CHEK1: variants seen among roughly 807,000 people sequenced by gnomAD.
CHEK1 encodes checkpoint kinase 1.
In CHEK1, 32 loss-of-function variants were observed where a neutral mutation model predicts 60.2. The observed-to-expected ratio is 0.53, with a 90% CI of 0.40 to 0.71. The LOEUF is 0.71. Among genes scored for constraint, CHEK1 ranks in the 30% least tolerant of loss-of-function variants. The probability of loss-of-function intolerance (pLI) is 0.00; values close to 1 mark genes in which losing one functional copy is unlikely to be tolerated. For synonymous variants in CHEK1, 179 were observed against 187.2 expected, an observed-to-expected ratio of 0.96 and a Z score of 0.36; for missense variants, 399 against 564.6, an observed-to-expected ratio of 0.71 and a Z score of 2.97.
At chr11:125,650,894 T>C (rs76055366) in intron 11 of CHEK1, among the ~76,000 whole-genome samples, 11,514 of 152,188 alleles carry the variant, frequency 0.076, 508 homozygotes, top group African/African-American at 0.12. Context: ...GTATTTGTGT[T>C]GGGGCACACC....
intron 8 of CHEK1, among the ~76,000 whole-genome samples, chr11:125,639,718 C>T (rs963190947): frequency 6.6e-6 from 1 of 152,178 alleles, no homozygotes; most frequent in African/African-American, 2.4e-5. Context: ...CAGTTGTTCA[C>T]TTTGCTTCCT....
At chr11:125,643,671 A>AT in intron 8 of CHEK1, 121 bp from the exon 9 acceptor site, 1 of 687,052 alleles carries the variant, frequency 1.5e-6, no homozygotes, top group Non-Finnish European at 2.3e-6. Context: ...TCTTACAAAA[A>AT]TTTTGTGTTA....
chr11:125,639,051 C>T (rs1941181795), intron 8 of CHEK1, among the ~76,000 whole-genome samples: 1 of 152,130 alleles, frequency 6.6e-6, no homozygotes, highest in Non-Finnish European at 1.5e-5. Context: ...TTGATTTCAT[C>T]TTTACCTATC....
At chr11:125,654,607 G>T (rs1025548978) in intron 12 of CHEK1, among the ~76,000 whole-genome samples, 20 of 152,094 alleles carry the variant, frequency 1.3e-4, no homozygotes, top group African/African-American at 4.8e-4. Flanking sequence ...TTGATTCTAA[G>T]ATGATAGTAT....
At chr11:125,626,061 T>G (rs1395000630) in intron 1 of CHEK1, 49 bp downstream of exon 1, 1 of 684,536 alleles carries the variant, frequency 1.5e-6, no homozygotes, top group East Asian at 2.7e-5. Context: ...AAGAAGGAGT[T>G]CGGGGTCTAG....
chr11:125,666,366 A>G (rs1347939933), intron 13 of CHEK1, among the ~76,000 whole-genome samples: 1 of 152,006 alleles, frequency 6.6e-6, no homozygotes, highest in South Asian at 2.1e-4. Context: ...TGGGCAATAT[A>G]CTTGATATGA....
intron 10 of CHEK1, 105 bp downstream of exon 10, chr11:125,644,373 A>G (rs1252446516): frequency 6.2e-6 from 9 of 1,458,688 alleles, no homozygotes; most frequent in East Asian, 2.3e-5. Flanking sequence ...TTTAAATCAC[A>G]TGTATTCTTT....
chr11:125,655,110 A>G (rs1263135802), intron 12 of CHEK1, 115 bp from the exon 13 acceptor site: 1 of 701,226 alleles, frequency 1.4e-6, no homozygotes, highest in East Asian at 2.8e-5. Context: ...AATGGTAGCT[A>G]GACATACCTA....
Position 125,644,511 on chromosome 11 carries a change from G to A in CHEK1, c.1102-1G>A. The stretch of plus-strand genomic sequence containing the variant: ...TCATTTGTCTTCTGTTTGACATGTA[G>A]AACCCCTGGCAGCGGTTGGTCAAAA... On this transcript the variant is annotated splice_acceptor_variant, in intron 10 of 12. Coordinates refer to ENST00000438015, the MANE Select transcript of CHEK1 (RefSeq NM_001114122.3). LOFTEE classifies it high-confidence loss of function. The A allele has an allele frequency of 6.2e-7, 1 of 1,613,520 alleles. No individual in the cohort carries two copies.
At chr11:125,648,348 C>T (rs925927422) in intron 11 of CHEK1, among the ~76,000 whole-genome samples, 12 of 151,846 alleles carry the variant, frequency 7.9e-5, no homozygotes, top group Non-Finnish European at 1.8e-4. Context: ...TTTGGGAGGC[C>T]GTTGCGGGTG....
At chr11:125,671,256 ATTAT>A (rs1942196608) in intron 13 of CHEK1, among the ~76,000 whole-genome samples, 1 of 151,994 alleles carries the variant, frequency 6.6e-6, no homozygotes, top group Non-Finnish European at 1.5e-5. Context: ...CTAGTAGACT[ATTAT>A]TTATCTTCTC....
intron 7 of CHEK1, among the ~76,000 whole-genome samples, chr11:125,636,887 A>G (rs905148722): frequency 6.6e-6 from 1 of 152,082 alleles, no homozygotes; most frequent in Non-Finnish European, 1.5e-5. Flanking sequence ...TACCTCTACT[A>G]TTTAAAAGTT....
chr11:125,635,875 A>G lies in CHEK1; in HGVS notation c.718+342A>G, dbSNP rs1026926245. On this transcript the variant is annotated intron_variant, in intron 7 of 12. Coordinates refer to ENST00000438015, the MANE Select transcript of CHEK1 (RefSeq NM_001114122.3). ...AGGGATGCACTCTAACAAATGTTTC[A>G]TTAGGTGGTTTCATCATTGTGTGAA... The G allele has an allele frequency of 1.7e-4, 28 of 164,876 alleles. No homozygotes were observed. The Admixed American group carries it at 1.8e-3, about 10-fold the overall frequency. The allele number at this position is 164,876 out of a possible 1,614,324, so 10.2% of individuals were successfully genotyped here.
At chr11:125,661,068 G>A (rs762526084), downstream of CHEK1, among the ~76,000 whole-genome samples, 20 of 152,076 alleles carry the variant, frequency 1.3e-4, no homozygotes, top group Non-Finnish European at 2.8e-4. Context: ...GAGCCACTGC[G>A]CCTGGCCTGG....
In CHEK1 at chr11:125,629,299, A is replaced by G; in HGVS notation, c.354+3A>G. ...TCCATCAACTCATGGCAGGGGTGGTAGGTATAGTTGTCTATTTCCCTTTTA... is the reference window on the plus strand; with the variant it reads ...TCCATCAACTCATGGCAGGGGTGGTGGGTATAGTTGTCTATTTCCCTTTTA... On this transcript the variant is annotated splice_donor_region_variant and intron_variant, in intron 4 of 12. Transcript: ENST00000438015. 1 of 1,614,100 alleles carries G rather than the reference A, an allele frequency of 6.2e-7. No homozygotes were observed. Among genetic ancestry groups the G allele is most frequent in the Non-Finnish European group, 8.5e-7 (1 of 1,179,966 alleles).
rs137976535 is a variant in CHEK1, at chr11:125,636,256, C to T, written c.718+723C>T. On this transcript the variant is annotated intron_variant, in intron 7 of 12. Coordinates refer to ENST00000438015, the MANE Select transcript of CHEK1 (RefSeq NM_001114122.3). ...TTTGTAACTGTTTTTGGTTTTAGTG[C>T]GCAGCGAACATTCTTCCATGACTAT... The T allele has an allele frequency of 2.8e-3, 429 of 152,188 alleles. 1 individual carries two copies. Among genetic ancestry groups the T allele is most frequent in the African/African-American group, 9.1e-3 (378 of 41,530 alleles). 9.4% of individuals were successfully genotyped at this position (152,188 alleles called of 1,614,324 possible).
intron 13 of CHEK1, among the ~76,000 whole-genome samples, chr11:125,667,840 C>A (rs560351593): frequency 2.8e-4 from 43 of 152,188 alleles, no homozygotes; most frequent in African/African-American, 1.0e-3. Flanking sequence ...AGGCTGGTCT[C>A]GATCTCCTGA....
At chr11:125,663,875 G>A (rs1942056365) in intron 13 of CHEK1, among the ~76,000 whole-genome samples, 1 of 152,098 alleles carries the variant, frequency 6.6e-6, no homozygotes, top group Non-Finnish European at 1.5e-5. Context: ...TCAGTCTTCT[G>A]CATATGGGTA....
In CHEK1 at chr11:125,643,874, C is replaced by G. The variant is rs1941395032; in HGVS notation, c.897C>G (p.Asp299Glu). 6.2e-7 allele frequency: 1 copy of G among 1,614,084 alleles called. No individual in the cohort carries two copies. Among genetic ancestry groups the G allele is most frequent in the East Asian group, 2.2e-5 (1 of 44,876 alleles). ...CTAAGCACATTCAATCCAATTTGGA[C>G]TTCTCTCCAGTAAACAGTGCTTCTA... Reference protein sequence around the residue: ...GFSKHIQSNLDFSPVNSASSE... With the variant: ...GFSKHIQSNLEFSPVNSASSE... The change falls in exon 9 of 13, where the codon GAC (aspartate) becomes GAG (glutamate). Residue 299 changes from aspartate (D) to glutamate (E), a missense_variant. Physicochemically the swap from Asp to Glu is conservative, Grantham distance 45. Transcript: ENST00000438015.
Sources: gnomAD v4.1 joint callset for allele counts (sites outside exome capture counted in the v4.1 genomes callset) on GRCh38, gnomAD v4.1.1 for gene constraint, MANE v1.5 for transcripts, NCBI Gene and HGNC (gene_info 2026-07-23, HGNC 2026-07-21) for gene names.